MAGI1: variants seen among roughly 807,000 people sequenced by gnomAD.
MAGI1 encodes membrane-associated guanylate kinase, WW and PDZ domain-containing protein 1.
A neutral mutation model predicts 139.9 loss-of-function variants in MAGI1; 58 were observed. The ratio of observed to expected loss-of-function variants is 0.41; its 90% CI spans 0.34 to 0.52. The LOEUF is 0.52. Among genes scored for constraint, MAGI1 ranks in the 20% least tolerant of loss-of-function variants. The probability of loss-of-function intolerance (pLI) is 0.12; values close to 1 mark genes in which losing one functional copy is unlikely to be tolerated. For missense variants in MAGI1, 1,874 were observed against 1,901.6 expected (o/e 0.99, Z 0.27); for synonymous variants, 812 against 737.9 (o/e 1.10, Z -1.63).
chr3:66,026,572 T>C (rs2068273166), intron 1 of MAGI1, among the ~76,000 whole-genome samples: 1 of 150,984 alleles, frequency 6.6e-6, no homozygotes, highest in Admixed American at 6.7e-5. Flanking sequence ...GATGTTGCCT[T>C]CAAGAAACAC....
At chr3:65,486,670 T>C (rs1352309570) in intron 3 of MAGI1, among the ~76,000 whole-genome samples, 1 of 152,190 alleles carries the variant, frequency 6.6e-6, no homozygotes, top group Admixed American at 6.5e-5. Context: ...CTGGTTCAAA[T>C]TGTAAAGCAG....
intron 18 of MAGI1, among the ~76,000 whole-genome samples, chr3:65,369,607 C>T (rs1175874818): frequency 1.3e-5 from 2 of 151,482 alleles, no homozygotes; most frequent in African/African-American, 2.4e-5. Context: ...CTCCTGGTTT[C>T]AAGCAATTCT....
chr3:65,535,821 T>G (rs754961489), intron 2 of MAGI1, among the ~76,000 whole-genome samples: 18 of 152,232 alleles, frequency 1.2e-4, no homozygotes, highest in Admixed American at 3.9e-4. Flanking sequence ...ACTTCAGTAT[T>G]TTTTCTTGAC....
At chr3:65,644,429 A>C (rs2085149324) in intron 1 of MAGI1, among the ~76,000 whole-genome samples, 1 of 151,430 alleles carries the variant, frequency 6.6e-6, no homozygotes, top group Admixed American at 6.6e-5. Flanking sequence ...AAAAAAAAAA[A>C]AAAACCCAGA....
At chr3:65,974,357 G>A (rs2065154481) in intron 1 of MAGI1, among the ~76,000 whole-genome samples, 1 of 134,684 alleles carries the variant, frequency 7.4e-6, no homozygotes, top group African/African-American at 2.8e-5. Flanking sequence ...AGGAGTGGAT[G>A]GATGGATGGG....
intron 1 of MAGI1, among the ~76,000 whole-genome samples, chr3:65,649,712 C>A (rs2085476942): frequency 6.6e-6 from 1 of 152,122 alleles, no homozygotes; most frequent in African/African-American, 2.4e-5. Flanking sequence ...CAAATATGAA[C>A]TTTTCACTAA....
chr3:65,420,695 C>T (rs1946579435), intron 12 of MAGI1, among the ~76,000 whole-genome samples: 1 of 152,158 alleles, frequency 6.6e-6, no homozygotes, highest in African/African-American at 2.4e-5. Flanking sequence ...AATTCTACAG[C>T]CTGCCAGCCA....
At chr3:65,914,991 T>TG (rs1223294833) in intron 1 of MAGI1, among the ~76,000 whole-genome samples, 1 of 152,226 alleles carries the variant, frequency 6.6e-6, no homozygotes, top group African/African-American at 2.4e-5. Context: ...ACTCAATAAA[T>TG]GATAGTTGAT....
At chr3:65,529,815 T>C (rs1285376596) in intron 2 of MAGI1, among the ~76,000 whole-genome samples, 4 of 147,904 alleles carry the variant, frequency 2.7e-5, no homozygotes, top group Non-Finnish European at 4.4e-5. Flanking sequence ...TATACACATA[T>C]AATATATACA....
chr3:65,959,775 A>G (rs2064324522), intron 1 of MAGI1, among the ~76,000 whole-genome samples: 1 of 142,708 alleles, frequency 7.0e-6, no homozygotes, highest in African/African-American at 2.6e-5. Context: ...TAATGTCTTA[A>G]TGGACAAATA....
At chr3:65,430,603 G>T (rs1947384653) in intron 11 of MAGI1, 96 bp downstream of exon 11, 1 of 1,315,278 alleles carries the variant, frequency 7.6e-7, no homozygotes, top group Non-Finnish European at 1.0e-6. Context: ...GACGTTGCTT[G>T]GTCTTGCTCA....
chr3:65,779,724 T>C (rs2038776430), intron 1 of MAGI1, among the ~76,000 whole-genome samples: 1 of 152,152 alleles, frequency 6.6e-6, no homozygotes. Context: ...TCTAATGAAT[T>C]TTATTCGCAC....
At chr3:65,379,682 T>C in intron 16 of MAGI1, 128 bp from the exon 17 acceptor site, 1 of 1,437,576 alleles carries the variant, frequency 7.0e-7, no homozygotes, top group Non-Finnish European at 9.3e-7. Context: ...CAGCACCTGG[T>C]TTCACAATAC....
chr3:65,379,755 A>G (rs1367821425), intron 16 of MAGI1, among the ~76,000 whole-genome samples: 1 of 152,116 alleles, frequency 6.6e-6, no homozygotes, highest in Non-Finnish European at 1.5e-5. Context: ...ATCTACGAAC[A>G]TTGATCCCAC....
intron 1 of MAGI1, among the ~76,000 whole-genome samples, chr3:66,018,461 C>T (rs1056344813): frequency 1.3e-5 from 2 of 152,084 alleles, no homozygotes; most frequent in African/African-American, 4.8e-5. Context: ...AAGAGCCAGG[C>T]ATTTTTTTTT....
At chr3:65,698,934 C>T (rs1208839715) in intron 1 of MAGI1, among the ~76,000 whole-genome samples, 2 of 133,672 alleles carry the variant, frequency 1.5e-5, no homozygotes, top group Non-Finnish European at 3.2e-5. Flanking sequence ...TCAGAGTGAA[C>T]AGGCAACCTA....
At chr3:65,566,987 G>A (rs1026726773) in intron 2 of MAGI1, among the ~76,000 whole-genome samples, 1 of 151,930 alleles carries the variant, frequency 6.6e-6, no homozygotes, top group Admixed American at 6.6e-5. Context: ...GTCTACATTT[G>A]AGGCCATTCC....
intron 1 of MAGI1, among the ~76,000 whole-genome samples, chr3:66,028,753 G>C (rs2068436923): frequency 6.6e-6 from 1 of 152,142 alleles, no homozygotes; most frequent in African/African-American, 2.4e-5. Flanking sequence ...AAACCTCCGT[G>C]AGGTCCGGAG....
chr3:65,500,806 G>A (rs1367063932), intron 2 of MAGI1, among the ~76,000 whole-genome samples: 1 of 152,182 alleles, frequency 6.6e-6, no homozygotes, highest in African/African-American at 2.4e-5. Context: ...ATCACCTGCT[G>A]TTAAATTAAT....
Sources: allele counts gnomAD v4.1 joint callset (sites outside exome capture counted in the v4.1 genomes callset), GRCh38; gene constraint gnomAD v4.1.1; transcripts MANE v1.5; gene names NCBI Gene and HGNC (gene_info 2026-07-23, HGNC 2026-07-21).